The following NKAIN2 variants were observed in gnomAD, a reference collection of about 807,000 sequenced individuals.
NKAIN2 encodes sodium/potassium-transporting ATPase subunit beta-1-interacting protein 2.
Under a neutral mutation model 32.6 loss-of-function variants are expected in NKAIN2, and 14 were observed. That is an observed-to-expected ratio of 0.43 (90% CI 0.28 to 0.67). NKAIN2 has a LOEUF of 0.67. NKAIN2 is among the 30% of genes least tolerant of loss of function. The pLI is 0.17. For missense variants in NKAIN2, 198 were observed against 258.3 expected (o/e 0.77, Z 1.60); for synonymous variants, 80 against 87.2 (o/e 0.92, Z 0.46).
intron 3 of NKAIN2, among the ~76,000 whole-genome samples, chr6:124,464,960 G>C (rs1776684976): frequency 1.3e-5 from 2 of 152,042 alleles, no homozygotes; most frequent in Admixed American, 6.6e-5. Flanking sequence ...ACTTTGGACA[G>C]TATGGCCATT....
At chr6:123,827,753 G>A (rs1353580793) in intron 1 of NKAIN2, among the ~76,000 whole-genome samples, 1 of 151,936 alleles carries the variant, frequency 6.6e-6, no homozygotes, top group Non-Finnish European at 1.5e-5. Flanking sequence ...AAAGGTGTAA[G>A]TTAGATCTAG....
intron 3 of NKAIN2, among the ~76,000 whole-genome samples, chr6:124,443,603 G>A (rs553131279): frequency 1.3e-5 from 2 of 152,136 alleles, no homozygotes; most frequent in Non-Finnish European, 2.9e-5. Context: ...GGGTAGCATA[G>A]GACCATTATA....
At position 124,737,013 on chromosome 6, in the gene NKAIN2, C is replaced by G. The variant is rs144277911; in HGVS notation, c.475-54326C>G. The stretch of plus-strand genomic sequence containing the variant: ...AAACCTTCTGCAAATGAAGATTTTC[C>G]TTTTTATTCTAGTGCCATTAAGAAC... On this transcript the variant is annotated intron_variant, in intron 4 of 6. Coordinates refer to ENST00000368417, the MANE Select transcript of NKAIN2 (RefSeq NM_001040214.3). 5.0e-3 allele frequency among the ~76,000 whole-genome samples: 756 copies of G among 151,776 alleles called. 5 individuals are homozygous for G. Among genetic ancestry groups the G allele is most frequent in the African/African-American group, 0.017 (704 of 41,398 alleles).
chr6:124,203,619 T>A (rs1333082079), intron 1 of NKAIN2, among the ~76,000 whole-genome samples: 1 of 151,714 alleles, frequency 6.6e-6, no homozygotes, highest in African/African-American at 2.4e-5. Context: ...GTTGGAGTGG[T>A]TGAAGGAGAC....
chr6:124,341,899 G>A (rs185023902), intron 2 of NKAIN2, among the ~76,000 whole-genome samples: 2 of 152,276 alleles, frequency 1.3e-5, no homozygotes, highest in South Asian at 4.1e-4. Context: ...AAGGAAATAA[G>A]TTGCTTTATT....
chr6:124,770,499 G>C (rs775818935), intron 4 of NKAIN2, among the ~76,000 whole-genome samples: 7 of 152,148 alleles, frequency 4.6e-5, no homozygotes, highest in Non-Finnish European at 7.4e-5. Context: ...TTCCTGGAGA[G>C]AGATATTAAG....
intron 3 of NKAIN2, among the ~76,000 whole-genome samples, chr6:124,412,792 C>T (rs967535271): frequency 1.3e-5 from 2 of 152,204 alleles, no homozygotes; most frequent in Non-Finnish European, 2.9e-5. Flanking sequence ...CCTAGGCAGG[C>T]AGGCCTCCTT....
intron 3 of NKAIN2, among the ~76,000 whole-genome samples, chr6:124,614,121 C>T (rs1443199100): frequency 6.6e-6 from 1 of 152,114 alleles, no homozygotes; most frequent in Admixed American, 6.5e-5. Context: ...TGACTGGGCA[C>T]GGTGGCTCAT....
intron 3 of NKAIN2, among the ~76,000 whole-genome samples, chr6:124,491,921 G>A (rs1777879455): frequency 6.6e-6 from 1 of 151,898 alleles, no homozygotes; most frequent in Non-Finnish European, 1.5e-5. Flanking sequence ...ACCTTTGTGT[G>A]AGAAAGTCCT....
intron 5 of NKAIN2, among the ~76,000 whole-genome samples, chr6:124,815,435 A>C (rs913396403): frequency 6.6e-6 from 1 of 151,442 alleles, no homozygotes; most frequent in African/African-American, 2.4e-5. Flanking sequence ...ATGCCCAGTT[A>C]ATTTTTGTAT....
At position 123,898,325 on chromosome 6, in the gene NKAIN2, C is replaced by G. The variant is rs116687822; in HGVS notation, c.54+94071C>G. Among the ~76,000 whole-genome samples the G allele has an allele frequency of 9.7e-3, 1,479 of 152,276 alleles. 24 individuals are homozygous for G. The highest frequency in any genetic ancestry group is 0.033 in the African/African-American group (1,390 of 41,556). Reference sequence around the variant, plus strand: ...AAAATAAATTTGTACTTCTGATTATCTCATTCTGTATACCCCTTTGACCCT... The same window carrying G: ...AAAATAAATTTGTACTTCTGATTATGTCATTCTGTATACCCCTTTGACCCT... On this transcript the variant is annotated intron_variant, in intron 1 of 6. Coordinates refer to ENST00000368417, the MANE Select transcript of NKAIN2 (RefSeq NM_001040214.3).
intron 1 of NKAIN2, among the ~76,000 whole-genome samples, chr6:123,918,868 C>T (rs1775615302): frequency 6.6e-6 from 1 of 152,222 alleles, no homozygotes; most frequent in Non-Finnish European, 1.5e-5. Flanking sequence ...AAATCACAAA[C>T]CGTGTTTACT....
At chr6:123,875,666 T>G (rs750077897) in intron 1 of NKAIN2, among the ~76,000 whole-genome samples, 1 of 152,036 alleles carries the variant, frequency 6.6e-6, no homozygotes, top group Admixed American at 6.5e-5. Context: ...TATTTGCCTT[T>G]TCTTTTGTAG....
intron 4 of NKAIN2, among the ~76,000 whole-genome samples, chr6:124,679,699 C>A (rs1039334501): frequency 2.6e-5 from 4 of 152,154 alleles, no homozygotes; most frequent in Non-Finnish European, 5.9e-5. Context: ...ATCCCTAATT[C>A]ATTGTATTTT....
chr6:124,773,511 G>A (rs907446114), intron 4 of NKAIN2, among the ~76,000 whole-genome samples: 3 of 152,110 alleles, frequency 2.0e-5, no homozygotes, highest in Non-Finnish European at 2.9e-5. Context: ...TTGGAGATGG[G>A]TTTATAGGCC....
intron 4 of NKAIN2, among the ~76,000 whole-genome samples, chr6:124,760,694 TTAG>T (rs1487737149): frequency 6.6e-6 from 1 of 151,976 alleles, no homozygotes; most frequent in African/African-American, 2.4e-5. Flanking sequence ...GTCTTAAATA[TTAG>T]GATAAGTTCA....
chr6:123,996,903 AT>A (rs1047212083), intron 1 of NKAIN2, among the ~76,000 whole-genome samples: 2 of 151,962 alleles, frequency 1.3e-5, no homozygotes, highest in South Asian at 2.1e-4. Flanking sequence ...GCAATTGAAC[AT>A]TTTTTTTGAA....
intron 1 of NKAIN2, among the ~76,000 whole-genome samples, chr6:123,832,899 AT>A (rs1217045953): frequency 6.6e-6 from 1 of 152,144 alleles, no homozygotes; most frequent in African/African-American, 2.4e-5. Context: ...TCTTTTGCAA[AT>A]ATTGTTGCCC....
intron 3 of NKAIN2, among the ~76,000 whole-genome samples, chr6:124,470,021 G>A (rs1391479352): frequency 2.0e-5 from 3 of 152,176 alleles, no homozygotes; most frequent in Non-Finnish European, 2.9e-5. Context: ...AGGGAAATTA[G>A]GAAAGGATTC....
Sources: gnomAD v4.1 joint callset for allele counts (sites outside exome capture counted in the v4.1 genomes callset) on GRCh38, gnomAD v4.1.1 for gene constraint, MANE v1.5 for transcripts, NCBI Gene and HGNC (gene_info 2026-07-23, HGNC 2026-07-21) for gene names.